Variants in PCDHAC1 observed in about 807,000 individuals in gnomAD.
The protein encoded by PCDHAC1 is protocadherin alpha subfamily C, 1.
Under a neutral mutation model 60.0 loss-of-function variants are expected in PCDHAC1, and 42 were observed. The observed-to-expected ratio is 0.70, with a 90% CI of 0.55 to 0.90. The LOEUF is 0.90. Ranked by LOEUF, PCDHAC1 falls within the 40% of genes least tolerant of loss-of-function variation. The probability of loss-of-function intolerance (pLI) is 0.00; values close to 1 mark genes in which losing one functional copy is unlikely to be tolerated. For synonymous variants in PCDHAC1, 468 were observed against 499.3 expected (o/e 0.94, Z 0.84); for missense variants, 1,160 against 1,222.3 (o/e 0.95, Z 0.76).
chr5:141,002,059 G>A (rs983772482), intron 3 of PCDHAC1, among the ~76,000 whole-genome samples: 1 of 152,242 alleles, frequency 6.6e-6, no homozygotes, highest in Non-Finnish European at 1.5e-5. Flanking sequence ...AGAGGCAGCA[G>A]CAGCCGCCAG....
At chr5:140,949,826 T>G (rs954476311) in intron 1 of PCDHAC1, among the ~76,000 whole-genome samples, 2 of 151,922 alleles carry the variant, frequency 1.3e-5, no homozygotes, top group Non-Finnish European at 2.9e-5. Flanking sequence ...ATTTGTCCCC[T>G]CTGATTTTGT....
At chr5:140,966,679 G>A (rs1554228549) in intron 1 of PCDHAC1, 1 of 1,317,562 alleles carries the variant, frequency 7.6e-7, no homozygotes, top group Non-Finnish European at 9.8e-7. Flanking sequence ...AGGGTGGCAC[G>A]AGCGGAGGCG....
chr5:140,969,068 A>C (rs2096293164), intron 1 of PCDHAC1: 2 of 1,614,046 alleles, frequency 1.2e-6, no homozygotes, highest in South Asian at 2.2e-5. Flanking sequence ...TGATGCCAGG[A>C]TACCGCATGG....
chr5:140,932,824 G>A (rs1484280278), intron 1 of PCDHAC1, among the ~76,000 whole-genome samples: 4 of 151,902 alleles, frequency 2.6e-5, no homozygotes, highest in Admixed American at 6.6e-5. Context: ...AAGTGGGAAA[G>A]TATTGACAAT....
At chr5:140,968,467 A>G (rs2153771249) in intron 1 of PCDHAC1, 1 of 1,614,124 alleles carries the variant, frequency 6.2e-7, no homozygotes, top group Non-Finnish European at 8.5e-7. Flanking sequence ...CTGCCAACGT[A>G]TATGTGGTGG....
In PCDHAC1 at chr5:141,011,725, TGCAA is replaced by T. The variant is rs1283017882; in HGVS notation, c.*1792_*1795del. 6.5e-6 allele frequency: 1 copy of T among 153,742 alleles called. No individual in the cohort carries two copies. The highest frequency in any genetic ancestry group is 1.5e-5 in the Non-Finnish European group (1 of 68,032). The allele number at this position is 153,742 out of a possible 1,614,324, so 9.5% of individuals were successfully genotyped here. ...ATACTGACAATATTCCATGAGGGTG[TGCAA>T]GCACAAATTTTACCAATCTGACCTC... On this transcript the variant is annotated 3_prime_UTR_variant, in exon 4 of 4. Coordinates refer to ENST00000253807, the MANE Select transcript of PCDHAC1 (RefSeq NM_018898.5).
intron 1 of PCDHAC1, among the ~76,000 whole-genome samples, chr5:140,956,797 G>T (rs1224324866): frequency 6.6e-6 from 1 of 152,040 alleles, no homozygotes; most frequent in Non-Finnish European, 1.5e-5. Flanking sequence ...TGCTTGGTGG[G>T]CTATTTATTA....
Position 141,002,363 on chromosome 5 carries a change from A to G in PCDHAC1, c.2582-7264A>G, listed in dbSNP as rs75749580. On this transcript the variant is annotated intron_variant, in intron 3 of 3. Transcript: ENST00000253807. ...CCTTCCCCCACCTCCACTCCTTTCAACTCATTCTGGCTTAGGGCTCCTGCT... is the reference window on the plus strand; with the variant it reads ...CCTTCCCCCACCTCCACTCCTTTCAGCTCATTCTGGCTTAGGGCTCCTGCT... Among the ~76,000 whole-genome samples, 567 of 152,272 alleles carry G rather than the reference A, an allele frequency of 3.7e-3. 5 individuals are homozygous for G. Among genetic ancestry groups the G allele is most frequent in the African/African-American group, 0.013 (537 of 41,558 alleles).
chr5:140,981,260 T>C (rs975813904), intron 2 of PCDHAC1, among the ~76,000 whole-genome samples: 11 of 152,324 alleles, frequency 7.2e-5, no homozygotes, highest in African/African-American at 2.4e-4. Flanking sequence ...ACTTTCAAGA[T>C]AAGCAAATGT....
At chr5:141,005,796 AAC>A (rs2098240426) in intron 3 of PCDHAC1, among the ~76,000 whole-genome samples, 1 of 151,400 alleles carries the variant, frequency 6.6e-6, no homozygotes, top group Admixed American at 6.6e-5. Flanking sequence ...AGGCAAAAAC[AAC>A]TCCAAGGAGC....
At chr5:140,939,960 T>G (rs1216904868) in intron 1 of PCDHAC1, among the ~76,000 whole-genome samples, 2 of 152,258 alleles carry the variant, frequency 1.3e-5, no homozygotes, top group African/African-American at 2.4e-5. Context: ...TATGTTAAAG[T>G]GTTCCACGAT....
intron 1 of PCDHAC1, among the ~76,000 whole-genome samples, chr5:140,976,893 A>G (rs1240555240): frequency 2.0e-5 from 3 of 152,212 alleles, no homozygotes; most frequent in African/African-American, 7.2e-5. Context: ...GATACATGCA[A>G]CAGTATGTAA....
In PCDHAC1 at chr5:140,969,463, C is replaced by G. The variant is rs549074334; in HGVS notation, c.2434-9486C>G. ...CTGGTAAACTGAGTATATATAGTAT[C>G]CACAATTTGATCATAATCTGCTATT... On this transcript the variant is annotated intron_variant, in intron 1 of 3. Coordinates refer to ENST00000253807, the MANE Select transcript of PCDHAC1 (RefSeq NM_018898.5). 74 of 1,491,016 alleles carry G rather than the reference C, an allele frequency of 5.0e-5. No homozygotes were observed. In the South Asian group the frequency reaches 6.0e-4, roughly 12 times the overall value. The allele number at this position is 1,491,016 out of a possible 1,614,324, so 92.4% of individuals were successfully genotyped here.
At chr5:140,943,332 A>G (rs2093478817) in intron 1 of PCDHAC1, among the ~76,000 whole-genome samples, 1 of 151,830 alleles carries the variant, frequency 6.6e-6, no homozygotes, top group Non-Finnish European at 1.5e-5. Flanking sequence ...TGTAGTATCC[A>G]TTGGACAGGA....
intron 1 of PCDHAC1, among the ~76,000 whole-genome samples, chr5:140,972,103 CA>C (rs1388508761): frequency 2.0e-5 from 3 of 152,104 alleles, no homozygotes; most frequent in Non-Finnish European, 4.4e-5. Context: ...GGCATAGAAG[CA>C]GGTAACAAAT....
At position 140,969,018 on chromosome 5, in the gene PCDHAC1, G is replaced by A. The variant is rs143196630; in HGVS notation, c.2434-9931G>A. On this transcript the variant is annotated intron_variant, in intron 1 of 3. Transcript: ENST00000253807. ...GGAGGCTTCTGTGGAGTAAGGGAAA[G>A]GTCCCCTGCAGAACTGTACAAACAA... 33 of 1,614,058 alleles carry A rather than the reference G, an allele frequency of 2.0e-5. 1 individual carries two copies. In the Middle Eastern group the frequency reaches 4.9e-4, roughly 24 times the overall value.
At chr5:140,993,460 TCTCACA>T (rs782519654) in intron 3 of PCDHAC1, among the ~76,000 whole-genome samples, 239 of 104,566 alleles carry the variant, frequency 2.3e-3, no homozygotes, top group Admixed American at 6.0e-3. Context: ...CTTCTTTCTT[TCTCACA>T]CACACACACA....
chr5:140,967,728 G>C (rs781785028), intron 1 of PCDHAC1: 13 of 1,614,176 alleles, frequency 8.1e-6, no homozygotes, highest in Non-Finnish European at 1.1e-5. Flanking sequence ...CGAGTAATTG[G>C]GGGGCTGGAT....
chr5:140,946,091 A>G (rs1554217315), intron 1 of PCDHAC1, among the ~76,000 whole-genome samples: 1 of 152,040 alleles, frequency 6.6e-6, no homozygotes, highest in Non-Finnish European at 1.5e-5. Flanking sequence ...TCTGATAAGG[A>G]GTTAACATAC....
Sources: allele counts gnomAD v4.1 joint callset (sites outside exome capture counted in the v4.1 genomes callset), GRCh38; gene constraint gnomAD v4.1.1; transcripts MANE v1.5; gene names NCBI Gene and HGNC (gene_info 2026-07-23, HGNC 2026-07-21).